The following AGBL1 variants were observed in gnomAD, a reference collection of about 807,000 sequenced individuals.
The protein encoded by AGBL1 is cytosolic carboxypeptidase 4.
AGBL1 carries 130 observed loss-of-function variants against 118.9 expected under a neutral mutation model. The ratio of observed to expected loss-of-function variants is 1.09; its 90% CI spans 0.95 to 1.26. The LOEUF is 1.26. Ranked by LOEUF, AGBL1 falls within the 50% of genes most tolerant of loss-of-function variation. AGBL1 has a pLI of 0.00. For missense variants in AGBL1, 1,584 were observed against 1,298.1 expected (o/e 1.22, Z -3.38); for synonymous variants, 555 against 478.9 (o/e 1.16, Z -2.08).
At chr15:87,001,750 A>T (rs1350024428) in intron 24 of AGBL1, among the ~76,000 whole-genome samples, 3 of 151,896 alleles carry the variant, frequency 2.0e-5, no homozygotes, top group East Asian at 3.9e-4. Flanking sequence ...GCATTTTTTC[A>T]TGTGTCTGTT....
chr15:86,762,358 TACCCCAGA>T (rs2078038629), intron 22 of AGBL1, among the ~76,000 whole-genome samples: 2 of 152,024 alleles, frequency 1.3e-5, no homozygotes, highest in South Asian at 4.1e-4. Flanking sequence ...CCTGCACATG[TACCCCAGA>T]ACTTAAAAAA....
At chr15:86,256,018 T>C (rs1453987715) in intron 7 of AGBL1, among the ~76,000 whole-genome samples, 1 of 152,130 alleles carries the variant, frequency 6.6e-6, no homozygotes, top group Non-Finnish European at 1.5e-5. Flanking sequence ...TTCTGCACCC[T>C]TTAGGAATAG....
chr15:86,316,590 C>G (rs936511353), intron 17 of AGBL1: 1 of 152,112 alleles, frequency 6.6e-6, no homozygotes, highest in African/African-American at 2.4e-5. Flanking sequence ...TCAGTGGGTC[C>G]CTTGACTTTC....
intron 5 of AGBL1, among the ~76,000 whole-genome samples, chr15:86,197,617 A>G (rs2077834930): frequency 6.6e-6 from 1 of 152,228 alleles, no homozygotes; most frequent in South Asian, 2.1e-4. Context: ...AAAGAAATTG[A>G]CAAAGGAATT....
chr15:86,127,375 C>T (rs76712109), intron 1 of AGBL1, among the ~76,000 whole-genome samples: 3,058 of 152,280 alleles, frequency 0.02, 88 homozygotes, highest in African/African-American at 0.07. Flanking sequence ...TTATAAATGA[C>T]GTGGGTCCTC....
At chr15:86,222,749 A>C (rs1052055136) in intron 5 of AGBL1, among the ~76,000 whole-genome samples, 1 of 152,150 alleles carries the variant, frequency 6.6e-6, no homozygotes, top group African/African-American at 2.4e-5. Flanking sequence ...CTTATCATGC[A>C]TTTCCAGCTA....
chr15:86,143,087 G>A (rs2076985307), intron 2 of AGBL1, among the ~76,000 whole-genome samples: 1 of 152,192 alleles, frequency 6.6e-6, no homozygotes, highest in African/African-American at 2.4e-5. Context: ...GGAGGTCCCT[G>A]TTCAAAATTG....
intron 22 of AGBL1, among the ~76,000 whole-genome samples, chr15:86,737,424 A>G (rs1196299876): frequency 6.6e-6 from 1 of 152,198 alleles, no homozygotes; most frequent in Non-Finnish European, 1.5e-5. Flanking sequence ...CAACATCTCT[A>G]CAAAGTGAAG....
chr15:86,482,044 C>G (rs767510983), intron 18 of AGBL1, among the ~76,000 whole-genome samples: 5 of 152,122 alleles, frequency 3.3e-5, no homozygotes, highest in African/African-American at 4.8e-5. Context: ...CCCAGCCTTA[C>G]TCATCGTTCA....
chr15:86,577,061 A>G (rs1370353453), intron 21 of AGBL1, among the ~76,000 whole-genome samples: 2 of 152,216 alleles, frequency 1.3e-5, no homozygotes, highest in African/African-American at 4.8e-5. Flanking sequence ...ACTGGGTAAC[A>G]GGCAGGGGTT....
chr15:86,655,143 A>G (rs932493337), intron 21 of AGBL1, among the ~76,000 whole-genome samples: 1 of 152,182 alleles, frequency 6.6e-6, no homozygotes, highest in Non-Finnish European at 1.5e-5. Context: ...TCTGGGGCTG[A>G]TTCCAATCTC....
At chr15:86,300,946 T>C (rs1014524684) in intron 17 of AGBL1, among the ~76,000 whole-genome samples, 2 of 152,170 alleles carry the variant, frequency 1.3e-5, no homozygotes, top group African/African-American at 2.4e-5. Context: ...GAGTTGTCAC[T>C]TGTAAGTGGT....
intron 18 of AGBL1, among the ~76,000 whole-genome samples, chr15:86,450,795 T>C (rs1311918183): frequency 1.3e-5 from 2 of 152,204 alleles, no homozygotes; most frequent in African/African-American, 2.4e-5. Flanking sequence ...AGATGCTGCA[T>C]AAAAATTCTC....
At chr15:86,641,317 A>G (rs2085185854) in intron 21 of AGBL1, among the ~76,000 whole-genome samples, 1 of 152,164 alleles carries the variant, frequency 6.6e-6, no homozygotes, top group Admixed American at 6.5e-5. Flanking sequence ...TATAAAATAC[A>G]CAAAACAATA....
At chr15:86,433,619 C>A (rs950769083) in intron 18 of AGBL1, among the ~76,000 whole-genome samples, 1 of 152,098 alleles carries the variant, frequency 6.6e-6, no homozygotes, top group African/African-American at 2.4e-5. Context: ...TAGGGATGTT[C>A]CCATGAGAAC....
chr15:86,183,855 A>C (rs58581226), intron 5 of AGBL1, among the ~76,000 whole-genome samples: 2,808 of 152,282 alleles, frequency 0.018, 87 homozygotes, highest in African/African-American at 0.062. Context: ...CTAAAATATA[A>C]AAGGGTAAGA....
At chr15:86,790,304 T>G (rs984120296) in intron 22 of AGBL1, among the ~76,000 whole-genome samples, 1 of 151,816 alleles carries the variant, frequency 6.6e-6, no homozygotes, top group Admixed American at 6.6e-5. Context: ...CTTCACCAGC[T>G]GAATAGAAAG....
chr15:86,646,727 A>C (rs2085285120), intron 21 of AGBL1, among the ~76,000 whole-genome samples: 1 of 152,328 alleles, frequency 6.6e-6, no homozygotes, highest in Admixed American at 6.5e-5. Flanking sequence ...CAATTTTGCC[A>C]TTAGTCAGTC....
chr15:86,310,818 T>C (rs62015573), intron 17 of AGBL1, among the ~76,000 whole-genome samples: 4,324 of 152,318 alleles, frequency 0.028, 70 homozygotes, highest in Middle Eastern at 0.068. Context: ...TTCTCTACTA[T>C]GGATTTTTGG....
Sources: gnomAD v4.1 joint callset for allele counts (sites outside exome capture counted in the v4.1 genomes callset) on GRCh38, gnomAD v4.1.1 for gene constraint, MANE v1.5 for transcripts, NCBI Gene and HGNC (gene_info 2026-07-23, HGNC 2026-07-21) for gene names.